The following CHIC1 variants were observed in gnomAD, a reference collection of about 807,000 sequenced individuals.
The protein encoded by CHIC1 is cysteine-rich hydrophobic domain-containing protein 1.
A neutral mutation model predicts 18.5 loss-of-function variants in CHIC1; 7 were observed. The observed-to-expected ratio is 0.38, with a 90% CI of 0.22 to 0.71. CHIC1 has a LOEUF of 0.71. Among genes scored for constraint, CHIC1 ranks in the 30% least tolerant of loss-of-function variants. The pLI is 0.49. For missense variants in CHIC1, 159 were observed against 176.9 expected (o/e 0.90, Z 0.57); for synonymous variants, 77 against 73.5 (o/e 1.05, Z -0.25).
chrX:73,671,838 T>C (rs2058032393), intron 3 of CHIC1, among the ~76,000 whole-genome samples: 3 of 110,237 alleles, frequency 2.7e-5, no homozygotes, highest in Non-Finnish European at 5.7e-5. Flanking sequence ...GTTACATATG[T>C]ATACATGTGC....
chrX:73,611,383 T>C (rs1317801197), intron 3 of CHIC1, among the ~76,000 whole-genome samples: 1 of 108,949 alleles, frequency 9.2e-6, no homozygotes, highest in Non-Finnish European at 1.9e-5. Context: ...TATTCCATAG[T>C]GTATATGTGC....
chrX:73,636,148 G>A (rs1019407637), intron 3 of CHIC1, among the ~76,000 whole-genome samples: 3 of 111,473 alleles, frequency 2.7e-5, no homozygotes, highest in African/African-American at 9.8e-5. Context: ...GGCCAATTTG[G>A]TCTGACATTA....
chrX:73,600,820 G>A (rs1279512462), intron 3 of CHIC1, among the ~76,000 whole-genome samples: 3 of 106,352 alleles, frequency 2.8e-5, no homozygotes, highest in East Asian at 5.8e-4. Context: ...CCCATCTCAC[G>A]TGCAGAGACA....
rs142464139 is a variant in CHIC1, at chrX:73,656,717, T to C, written c.508-22609T>C. 6.7e-3 allele frequency among the ~76,000 whole-genome samples: 749 copies of C among 112,349 alleles called. 3 individuals are homozygous for C. Among genetic ancestry groups the C allele is most frequent in the Non-Finnish European group, 0.011 (599 of 53,276 alleles). On this transcript the variant is annotated intron_variant, in intron 3 of 5. Coordinates refer to ENST00000373502, the MANE Select transcript of CHIC1 (RefSeq NM_001039840.4). Reference sequence around the variant, plus strand: ...TGATTACTGTAGCCTTGTAGTATAGTTCAGAGTCAGGTAGCGTGATGCCTT... The same window carrying C: ...TGATTACTGTAGCCTTGTAGTATAGCTCAGAGTCAGGTAGCGTGATGCCTT...
chrX:73,661,965 C>T (rs936771715), intron 3 of CHIC1, among the ~76,000 whole-genome samples: 28 of 109,995 alleles, frequency 2.5e-4, no homozygotes, highest in Non-Finnish European at 1.3e-4. Context: ...GTTCAGCGCA[C>T]CAGCATGGCA....
chrX:73,592,067 G>GT (rs745643161), intron 3 of CHIC1, among the ~76,000 whole-genome samples: 14 of 107,125 alleles, frequency 1.3e-4, no homozygotes, highest in East Asian at 3.0e-4. Flanking sequence ...CTTTACTGAA[G>GT]TTTTTTTTTT....
chrX:73,605,256 C>T (rs1298504580), intron 3 of CHIC1, among the ~76,000 whole-genome samples: 1 of 108,008 alleles, frequency 9.3e-6, no homozygotes, highest in Non-Finnish European at 1.9e-5. Flanking sequence ...TTTGTAATGC[C>T]CTTCTTTGTC....
chrX:73,577,383 T>G, intron 1 of CHIC1, 24 bp from the exon 2 acceptor site: 1 of 1,150,242 alleles, frequency 8.7e-7, no homozygotes, highest in South Asian at 1.9e-5. Flanking sequence ...GTAGAACATA[T>G]TTTGTTCTGT....
At chrX:73,578,810 C>A (rs1452221797) in intron 2 of CHIC1, 1 of 110,156 alleles carries the variant, frequency 9.1e-6, no homozygotes, top group African/African-American at 3.3e-5. Context: ...TTTCTGATAT[C>A]TTTTAGTATT....
chrX:73,677,659 A>G (rs1045349088), intron 3 of CHIC1, among the ~76,000 whole-genome samples: 1 of 112,278 alleles, frequency 8.9e-6, no homozygotes, highest in Non-Finnish European at 1.9e-5. Context: ...TGACTAGGAA[A>G]GGGAATTCCC....
chrX:73,595,703 C>T (rs1433181657), intron 3 of CHIC1, among the ~76,000 whole-genome samples: 1 of 111,256 alleles, frequency 9.0e-6, no homozygotes, highest in Non-Finnish European at 1.9e-5. Context: ...AATGTCATTT[C>T]TGGGTCAAAT....
At chrX:73,652,569 T>C (rs1040198409) in intron 3 of CHIC1, among the ~76,000 whole-genome samples, 2 of 111,889 alleles carry the variant, frequency 1.8e-5, no homozygotes, top group East Asian at 5.6e-4. Context: ...GTGGGCAAAG[T>C]ATATGAACAG....
chrX:73,656,159 CTT>C (rs1306375030), intron 3 of CHIC1, among the ~76,000 whole-genome samples: 3 of 111,096 alleles, frequency 2.7e-5, no homozygotes, highest in African/African-American at 6.5e-5. Flanking sequence ...GGATTTTTCT[CTT>C]GTTAAGTTTG....
chrX:73,669,645 G>T (rs7060426), intron 3 of CHIC1, among the ~76,000 whole-genome samples: 2,640 of 111,770 alleles, frequency 0.024, 84 homozygotes, highest in African/African-American at 0.081. Context: ...GAAGCAGTCT[G>T]GTGACAATCT....
At chrX:73,623,523 T>C (rs1171761260) in intron 3 of CHIC1, among the ~76,000 whole-genome samples, 1 of 110,798 alleles carries the variant, frequency 9.0e-6, no homozygotes, top group Non-Finnish European at 1.9e-5. Context: ...TTTTTTTCTT[T>C]GCATTTGCTT....
At chrX:73,665,124 C>G (rs946831480) in intron 3 of CHIC1, among the ~76,000 whole-genome samples, 4 of 112,091 alleles carry the variant, frequency 3.6e-5, no homozygotes, top group Non-Finnish European at 5.6e-5. Flanking sequence ...GGTCCCATAG[C>G]TGCAGTGTAT....
At chrX:73,589,005 G>T (rs1332050723) in intron 3 of CHIC1, among the ~76,000 whole-genome samples, 2 of 109,624 alleles carry the variant, frequency 1.8e-5, no homozygotes, top group Admixed American at 9.7e-5. Flanking sequence ...TTTTGGTCTT[G>T]TTCATTTTTT....
At chrX:73,648,071 G>C (rs772155639) in intron 3 of CHIC1, among the ~76,000 whole-genome samples, 5 of 111,157 alleles carry the variant, frequency 4.5e-5, no homozygotes, top group Non-Finnish European at 7.5e-5. Flanking sequence ...AGATGAATAG[G>C]GCCTGAAGTG....
intron 3 of CHIC1, among the ~76,000 whole-genome samples, chrX:73,615,334 G>A (rs757691681): frequency 1.3e-4 from 14 of 111,659 alleles, no homozygotes; most frequent in African/African-American, 4.6e-4. Flanking sequence ...CTCCAGTCAG[G>A]GTGCTTCAGT....
Sources: gnomAD v4.1 joint callset for allele counts (sites outside exome capture counted in the v4.1 genomes callset) on GRCh38, gnomAD v4.1.1 for gene constraint, MANE v1.5 for transcripts, NCBI Gene and HGNC (gene_info 2026-07-23, HGNC 2026-07-21) for gene names.